SLC14A2: variants seen among roughly 807,000 people sequenced by gnomAD.
The protein encoded by SLC14A2 is urea transporter 2.
Under a neutral mutation model 104.6 loss-of-function variants are expected in SLC14A2, and 91 were observed. The ratio of observed to expected loss-of-function variants is 0.87; its 90% CI spans 0.73 to 1.04. The LOEUF is 1.04. Ranked by LOEUF, SLC14A2 falls within the 50% of genes least tolerant of loss-of-function variation. SLC14A2 has a pLI of 0.00. For synonymous variants in SLC14A2, 476 were observed against 466.4 expected (o/e 1.02, Z -0.27); for missense variants, 1,189 against 1,156.0 (o/e 1.03, Z -0.41).
intron 2 of SLC14A2, among the ~76,000 whole-genome samples, chr18:45,557,764 C>T (rs956242736): frequency 5.3e-5 from 8 of 152,118 alleles, no homozygotes; most frequent in Admixed American, 2.0e-4. Context: ...TCTCATTGTC[C>T]TTGCAAGGAG....
intron 1 of SLC14A2, among the ~76,000 whole-genome samples, chr18:45,249,849 T>A (rs946863459): frequency 1.2e-4 from 18 of 152,030 alleles, no homozygotes; most frequent in Non-Finnish European, 2.5e-4. Flanking sequence ...CTAAGGAGGC[T>A]GAGATGGGAG....
At chr18:45,580,025 G>A (rs1312763901) in intron 2 of SLC14A2, among the ~76,000 whole-genome samples, 2 of 152,158 alleles carry the variant, frequency 1.3e-5, no homozygotes, top group Non-Finnish European at 2.9e-5. Flanking sequence ...GACATAGGAG[G>A]GAGAGATGGG....
chr18:45,283,503 T>C (rs987528985), intron 1 of SLC14A2, among the ~76,000 whole-genome samples: 1 of 151,652 alleles, frequency 6.6e-6, no homozygotes. Flanking sequence ...AAAACTAATA[T>C]ATCATCATCC....
At chr18:45,540,137 G>A (rs929220042) in intron 2 of SLC14A2, among the ~76,000 whole-genome samples, 5 of 152,042 alleles carry the variant, frequency 3.3e-5, no homozygotes, top group African/African-American at 1.2e-4. Flanking sequence ...AGGGCAGAGT[G>A]GCTGGGACAC....
intron 1 of SLC14A2, among the ~76,000 whole-genome samples, chr18:45,393,038 A>G (rs1368695433): frequency 4.6e-5 from 7 of 152,332 alleles, no homozygotes; most frequent in African/African-American, 1.7e-4. Context: ...TCAGATGACT[A>G]TACACTTTAT....
chr18:45,352,540 G>C (rs145474750), intron 1 of SLC14A2, among the ~76,000 whole-genome samples: 1 of 152,278 alleles, frequency 6.6e-6, no homozygotes, highest in African/African-American at 2.4e-5. Context: ...ACTCGGGCTA[G>C]ATTCCACAGA....
intron 2 of SLC14A2, among the ~76,000 whole-genome samples, chr18:45,490,898 T>TG (rs2042985504): frequency 6.6e-6 from 1 of 152,154 alleles, no homozygotes; most frequent in Non-Finnish European, 1.5e-5. Context: ...ATCAGGGAAA[T>TG]GCCCATTAAA....
At chr18:45,672,619 A>G (rs1362339793) in intron 16 of SLC14A2, among the ~76,000 whole-genome samples, 2 of 152,152 alleles carry the variant, frequency 1.3e-5, no homozygotes, top group Non-Finnish European at 2.9e-5. Flanking sequence ...CCCTACCTTG[A>G]AAGGTTTTCA....
chr18:45,537,265 A>G (rs978953637), intron 2 of SLC14A2, among the ~76,000 whole-genome samples: 1 of 152,166 alleles, frequency 6.6e-6, no homozygotes, highest in Non-Finnish European at 1.5e-5. Context: ...AACATAATAA[A>G]TAAATCATAG....
chr18:45,346,352 T>C (rs1249549067), intron 1 of SLC14A2, among the ~76,000 whole-genome samples: 1 of 152,204 alleles, frequency 6.6e-6, no homozygotes, highest in African/African-American at 2.4e-5. Flanking sequence ...AGACAGGGTT[T>C]TGCCATGTTG....
intron 1 of SLC14A2, among the ~76,000 whole-genome samples, chr18:45,429,503 TGAGG>T (rs1316339605): frequency 1.3e-5 from 2 of 152,188 alleles, no homozygotes; most frequent in Non-Finnish European, 2.9e-5. Context: ...GGGAAAGCCT[TGAGG>T]AAGAAATCTA....
At chr18:45,477,724 T>G (rs2087411089) in intron 1 of SLC14A2, among the ~76,000 whole-genome samples, 1 of 151,614 alleles carries the variant, frequency 6.6e-6, no homozygotes, top group South Asian at 2.1e-4. Context: ...TACAGCAGCT[T>G]TGTAGAGCTG....
intron 1 of SLC14A2, among the ~76,000 whole-genome samples, chr18:45,285,349 A>G (rs371277279): frequency 5.1e-4 from 78 of 152,356 alleles, no homozygotes; most frequent in African/African-American, 1.7e-3. Context: ...CAATCTAGGT[A>G]CTGGACTACA....
At chr18:45,537,008 G>A (rs578183223) in intron 2 of SLC14A2, among the ~76,000 whole-genome samples, 202 of 136,630 alleles carry the variant, frequency 1.5e-3, no homozygotes, top group African/African-American at 2.2e-3. Context: ...CGGGTGGTTC[G>A]TCCCCCTCTC....
intron 2 of SLC14A2, among the ~76,000 whole-genome samples, chr18:45,539,927 G>A (rs1479850905): frequency 6.6e-6 from 1 of 150,988 alleles, no homozygotes; most frequent in African/African-American, 2.4e-5. Context: ...AAACAGTAAT[G>A]TCTGTATCTC....
At chr18:45,195,418 G>A in the SLC14A2 span, among the ~76,000 whole-genome samples, 2 of 152,132 alleles carry the variant, frequency 1.3e-5, no homozygotes, top group Admixed American at 1.3e-4. Flanking sequence ...TTGAGACTAA[G>A]TCTTGCTCTG....
chr18:45,341,381 C>T (rs1351874511), intron 1 of SLC14A2, among the ~76,000 whole-genome samples: 2 of 152,160 alleles, frequency 1.3e-5, no homozygotes, highest in Non-Finnish European at 2.9e-5. Context: ...CAGTCATGCA[C>T]AGAGTGGTGA....
chr18:45,216,361 C>CT (rs1429795981), intron 1 of SLC14A2, among the ~76,000 whole-genome samples: 2 of 152,158 alleles, frequency 1.3e-5, no homozygotes, highest in African/African-American at 4.8e-5. Context: ...AAGGGGGTGC[C>CT]TGTGGCCTGT....
intron 1 of SLC14A2, among the ~76,000 whole-genome samples, chr18:45,240,391 G>A (rs966207063): frequency 7.3e-5 from 11 of 151,688 alleles, no homozygotes; most frequent in African/African-American, 9.7e-5. Context: ...CACCACGCCC[G>A]GCCCAAATAT....
Sources: allele counts gnomAD v4.1 joint callset (sites outside exome capture counted in the v4.1 genomes callset), GRCh38; gene constraint gnomAD v4.1.1; transcripts MANE v1.5; gene names NCBI Gene and HGNC (gene_info 2026-07-23, HGNC 2026-07-21).